RBM6: variants seen among roughly 807,000 people sequenced by gnomAD.
RBM6 encodes the protein RNA binding motif protein 6.
RBM6 carries 23 observed loss-of-function variants against 140.4 expected under a neutral mutation model. The observed-to-expected ratio is 0.16, with a 90% CI of 0.12 to 0.23. The LOEUF (loss-of-function observed/expected upper bound fraction) is 0.23. Ranked by LOEUF, RBM6 falls within the 10% of genes least tolerant of loss-of-function variation. The pLI is 1.00. For synonymous variants in RBM6, 439 were observed against 475.6 expected, an observed-to-expected ratio of 0.92 and a Z score of 1.00; for missense variants, 1,139 against 1,386.7, an observed-to-expected ratio of 0.82 and a Z score of 2.84.
At chr3:49,970,456 T>C (rs939065961) in intron 3 of RBM6, among the ~76,000 whole-genome samples, 1 of 152,196 alleles carries the variant, frequency 6.6e-6, no homozygotes, top group Non-Finnish European at 1.5e-5. Context: ...TTTGAAAGTA[T>C]ATGTCTTTGG....
intron 6 of RBM6, among the ~76,000 whole-genome samples, chr3:50,034,186 G>A (rs1004460710): frequency 1.4e-5 from 2 of 142,824 alleles, no homozygotes; most frequent in Middle Eastern, 3.7e-3. Context: ...GTTTCATCAT[G>A]TTAGCCAGGC....
At chr3:50,048,053 C>T (rs1166851061) in intron 6 of RBM6, among the ~76,000 whole-genome samples, 192 bp from the exon 7 acceptor site, 1 of 152,218 alleles carries the variant, frequency 6.6e-6, no homozygotes, top group East Asian at 1.9e-4. Context: ...CTCCCCTTTC[C>T]TAAGCTAAAG....
chr3:49,941,740 A>AT (rs1178330338), intron 1 of RBM6, among the ~76,000 whole-genome samples: 9 of 145,846 alleles, frequency 6.2e-5, no homozygotes, highest in Non-Finnish European at 1.2e-4. Context: ...AATTTTTTGT[A>AT]TTTTTTTAGT....
At chr3:49,951,765 C>T (rs2083744063) in intron 1 of RBM6, among the ~76,000 whole-genome samples, 1 of 151,812 alleles carries the variant, frequency 6.6e-6, no homozygotes, top group African/African-American at 2.4e-5. Flanking sequence ...CCCTGTCGCC[C>T]AGGCTGGAGT....
At chr3:50,013,023 G>GT in intron 6 of RBM6, among the ~76,000 whole-genome samples, 1 of 152,198 alleles carries the variant, frequency 6.6e-6, no homozygotes, top group South Asian at 2.1e-4. Context: ...GATTACAGGC[G>GT]TGAGCCACCG....
chr3:50,061,431 C>T, intron 13 of RBM6, 31 bp from the exon 14 acceptor site: 1 of 1,586,788 alleles, frequency 6.3e-7, no homozygotes, highest in Non-Finnish European at 8.5e-7. Context: ...TGGACAGAGA[C>T]TAACATTGGC....
chr3:50,056,508 A>G (rs2089706969), intron 8 of RBM6, among the ~76,000 whole-genome samples: 1 of 151,986 alleles, frequency 6.6e-6, no homozygotes, highest in Non-Finnish European at 1.5e-5. Flanking sequence ...GTTAGCCAGG[A>G]TGGTCTCGAT....
intron 1 of RBM6, among the ~76,000 whole-genome samples, chr3:49,961,472 C>T (rs568696933): frequency 7.3e-5 from 11 of 151,160 alleles, no homozygotes; most frequent in Admixed American, 1.3e-4. Context: ...TATGAGCCAC[C>T]GTGCCCGACC....
At chr3:50,011,374 A>G (rs1365754081) in intron 6 of RBM6, among the ~76,000 whole-genome samples, 1 of 152,160 alleles carries the variant, frequency 6.6e-6, no homozygotes, top group Non-Finnish European at 1.5e-5. Flanking sequence ...GGTTGAACGG[A>G]CTTTCTGCTT....
chr3:49,994,063 G>GTGTT (rs757423693), intron 5 of RBM6, among the ~76,000 whole-genome samples: 7 of 152,240 alleles, frequency 4.6e-5, no homozygotes, highest in East Asian at 1.9e-4. Flanking sequence ...GTGGGATTGT[G>GTGTT]TGTTTGTTTG....
intron 6 of RBM6, among the ~76,000 whole-genome samples, chr3:50,002,270 T>C (rs557236421): frequency 2.4e-4 from 37 of 151,214 alleles, no homozygotes; most frequent in African/African-American, 9.0e-4. Context: ...TTTTCTTTTT[T>C]TTTTTTTTTG....
At chr3:50,018,579 G>GTTT (rs2087298085) in intron 6 of RBM6, among the ~76,000 whole-genome samples, 1 of 124,004 alleles carries the variant, frequency 8.1e-6, no homozygotes. Flanking sequence ...TGGTAGGAGT[G>GTTT]TGTTTTTTTT....
chr3:50,058,726 A>T (rs2108911853), intron 10 of RBM6, 164 bp downstream of exon 10: 1 of 589,722 alleles, frequency 1.7e-6, no homozygotes, highest in Non-Finnish European at 2.9e-6. Context: ...CATCCTGGCT[A>T]ACACGGTGAA....
chr3:50,032,894 A>G (rs1293325946), intron 6 of RBM6, among the ~76,000 whole-genome samples: 2 of 152,032 alleles, frequency 1.3e-5, no homozygotes, highest in African/African-American at 4.8e-5. Context: ...CTGAGGCAGG[A>G]GAACCGCTTG....
intron 5 of RBM6, among the ~76,000 whole-genome samples, chr3:49,995,097 G>C (rs1431502188): frequency 6.6e-6 from 1 of 152,020 alleles, no homozygotes; most frequent in Non-Finnish European, 1.5e-5. Context: ...TATTTATCAG[G>C]GTTTTGTTTT....
intron 11 of RBM6, among the ~76,000 whole-genome samples, chr3:50,060,162 TAAC>T (rs1373895385): frequency 6.6e-6 from 1 of 152,066 alleles, no homozygotes; most frequent in Non-Finnish European, 1.5e-5. Flanking sequence ...CCCTATCTCT[TAAC>T]AAAAAAATGA....
At chr3:50,001,459 C>CA (rs2086323158) in intron 6 of RBM6, among the ~76,000 whole-genome samples, 1 of 151,702 alleles carries the variant, frequency 6.6e-6, no homozygotes, top group African/African-American at 2.4e-5. Context: ...TCTCAAAAAA[C>CA]AAAAAAGTAC....
chr3:50,052,038 G>A (rs1385218725), intron 7 of RBM6, among the ~76,000 whole-genome samples: 2 of 152,084 alleles, frequency 1.3e-5, no homozygotes, highest in African/African-American at 4.8e-5. Context: ...TCATTGAATT[G>A]TACACATAAA....
chr3:49,944,538 C>T (rs191861617), intron 1 of RBM6, among the ~76,000 whole-genome samples: 10 of 144,480 alleles, frequency 6.9e-5, no homozygotes, highest in East Asian at 2.1e-4. Context: ...TGCAGTGGCG[C>T]GACCTTGGCT....
Sources: allele counts gnomAD v4.1 joint callset (sites outside exome capture counted in the v4.1 genomes callset), GRCh38; gene constraint gnomAD v4.1.1; transcripts MANE v1.5; gene names NCBI Gene and HGNC (gene_info 2026-07-23, HGNC 2026-07-21).